The following SLC16A2 variants were observed in gnomAD, a reference collection of about 807,000 sequenced individuals.
SLC16A2 encodes the protein solute carrier family 16 member 2.
SLC16A2 carries 3 observed loss-of-function variants against 27.2 expected under a neutral mutation model. The ratio of observed to expected loss-of-function variants is 0.11; its 90% CI spans 0.05 to 0.28. The LOEUF (loss-of-function observed/expected upper bound fraction) is 0.28, where lower values mean the gene tolerates loss of function less well. SLC16A2 is among the 10% of genes least tolerant of loss of function. The pLI is 1.00. For missense variants in SLC16A2, 295 were observed against 458.5 expected, an observed-to-expected ratio of 0.64 and a Z score of 3.26; for synonymous variants, 202 against 187.8, an observed-to-expected ratio of 1.08 and a Z score of -0.62.
chrX:74,527,623 T>A (rs745347660), intron 4 of SLC16A2, among the ~76,000 whole-genome samples: 1 of 112,295 alleles, frequency 8.9e-6, no homozygotes, highest in Admixed American at 9.4e-5. Context: ...TTGTGCCAAT[T>A]CTTGAGGCCT....
At chrX:74,443,682 T>A (rs904427764) in intron 1 of SLC16A2, among the ~76,000 whole-genome samples, 8 of 112,135 alleles carry the variant, frequency 7.1e-5, no homozygotes, top group African/African-American at 1.9e-4. Flanking sequence ...AATAAGAAAT[T>A]CCTGCAAAAT....
At chrX:74,491,645 G>A (rs1007399011) in intron 1 of SLC16A2, among the ~76,000 whole-genome samples, 2 of 112,210 alleles carry the variant, frequency 1.8e-5, no homozygotes, top group African/African-American at 3.2e-5. Context: ...TGAGGAGGAA[G>A]TCCATTCAGA....
chrX:74,474,194 T>A (rs1035058635), intron 1 of SLC16A2, among the ~76,000 whole-genome samples: 2 of 111,922 alleles, frequency 1.8e-5, no homozygotes, highest in African/African-American at 6.5e-5. Flanking sequence ...AGTGTTCTGA[T>A]CCATGAAAAT....
rs370736474 is a variant in SLC16A2, at chrX:74,515,862, A to G, written c.431-5128A>G. 3.7e-4 allele frequency among the ~76,000 whole-genome samples: 41 copies of G among 112,064 alleles called. No homozygotes were observed. In the East Asian group the frequency reaches 9.8e-3, roughly 27 times the overall value. ...AATCAATACATTCTCAAACGAAGGA[A>G]AACTAAGAGAATTTGTCCCCAACAG... On this transcript the variant is annotated intron_variant, in intron 1 of 5. Transcript: ENST00000587091.
chrX:74,458,239 G>A (rs1256985612), intron 1 of SLC16A2, among the ~76,000 whole-genome samples: 1 of 112,274 alleles, frequency 8.9e-6, no homozygotes, highest in African/African-American at 3.2e-5. Context: ...GTTATACAAT[G>A]TGATGATTTT....
At chrX:74,475,697 A>C (rs1456926503) in intron 1 of SLC16A2, among the ~76,000 whole-genome samples, 1 of 111,876 alleles carries the variant, frequency 8.9e-6, no homozygotes, top group Non-Finnish European at 1.9e-5. Context: ...CTTTCCACAT[A>C]TGGCTAGGCA....
chrX:74,468,048 T>C (rs1431388721), intron 1 of SLC16A2, among the ~76,000 whole-genome samples: 1 of 112,028 alleles, frequency 8.9e-6, no homozygotes, highest in African/African-American at 3.2e-5. Context: ...CCTTCAGGGC[T>C]CAACTCAAAG....
intron 1 of SLC16A2, among the ~76,000 whole-genome samples, chrX:74,449,609 G>A (rs1432822033): frequency 5.4e-5 from 6 of 111,778 alleles, no homozygotes; most frequent in African/African-American, 1.9e-4. Context: ...CACTGGATGT[G>A]GGTGCCTGAC....
intron 1 of SLC16A2, among the ~76,000 whole-genome samples, chrX:74,438,043 A>T (rs1231875121): frequency 8.9e-6 from 1 of 112,617 alleles, no homozygotes; most frequent in Non-Finnish European, 1.9e-5. Context: ...ATCTGTTTTT[A>T]GCACTAAAGG....
intron 1 of SLC16A2, among the ~76,000 whole-genome samples, chrX:74,443,449 A>G (rs1448906658): frequency 9.0e-6 from 1 of 111,438 alleles, no homozygotes; most frequent in African/African-American, 3.3e-5. Flanking sequence ...CCTCCCCACT[A>G]GGCTCTCTCC....
At chrX:74,438,761 A>T (rs1928670999) in intron 1 of SLC16A2, among the ~76,000 whole-genome samples, 1 of 111,574 alleles carries the variant, frequency 9.0e-6, no homozygotes, top group Non-Finnish European at 1.9e-5. Flanking sequence ...TCCACTTGAT[A>T]CTGATAATGT....
At chrX:74,427,857 C>G (rs1031351179) in intron 1 of SLC16A2, among the ~76,000 whole-genome samples, 7 of 110,300 alleles carry the variant, frequency 6.3e-5, no homozygotes, top group African/African-American at 2.0e-4. Flanking sequence ...ACCCTACACC[C>G]TAAGCCATAG....
At chrX:74,517,193 G>A (rs976562475) in intron 1 of SLC16A2, among the ~76,000 whole-genome samples, 4 of 111,932 alleles carry the variant, frequency 3.6e-5, no homozygotes, top group South Asian at 3.7e-4. Context: ...GTTACATAAG[G>A]GGAAACTTGG....
At chrX:74,479,217 G>T (rs5981277) in intron 1 of SLC16A2, among the ~76,000 whole-genome samples, 39 of 109,974 alleles carry the variant, frequency 3.5e-4, no homozygotes, top group Non-Finnish European at 6.5e-4. Context: ...TTTTCTTCTC[G>T]CTTCATTTCA....
intron 1 of SLC16A2, among the ~76,000 whole-genome samples, chrX:74,442,169 C>T (rs1403153154): frequency 2.0e-5 from 2 of 100,246 alleles, no homozygotes; most frequent in Middle Eastern, 5.0e-3. Flanking sequence ...CAGAGGTTGC[C>T]GTGAGCCGAG....
At chrX:74,473,064 T>A (rs973361207) in intron 1 of SLC16A2, 99 of 526,488 alleles carry the variant, frequency 1.9e-4, no homozygotes, top group Middle Eastern at 5.6e-4. Flanking sequence ...GGAACCATCA[T>A]AGCCACCTTG....
chrX:74,451,392 TC>T (rs1335178861), intron 1 of SLC16A2, among the ~76,000 whole-genome samples: 2 of 112,490 alleles, frequency 1.8e-5, no homozygotes, highest in Non-Finnish European at 3.7e-5. Context: ...ACAGTTAGGC[TC>T]CATGATCAAA....
chrX:74,438,755 C>T lies in SLC16A2; in HGVS notation c.430+16688C>T, dbSNP rs1037174776. 3.3e-4 allele frequency among the ~76,000 whole-genome samples: 37 copies of T among 111,815 alleles called. 1 individual carries two copies. The highest frequency in any genetic ancestry group is 1.5e-4 in the Non-Finnish European group (8 of 53,271). On this transcript the variant is annotated intron_variant, in intron 1 of 5. Coordinates refer to ENST00000587091, the MANE Select transcript of SLC16A2 (RefSeq NM_006517.5). Reference sequence around the variant, plus strand: ...AAGGCCCTGTTTGTAAATTCCTCCACTTGATACTGATAATGTCCCTTTTGC... The same window carrying T: ...AAGGCCCTGTTTGTAAATTCCTCCATTTGATACTGATAATGTCCCTTTTGC...
At chrX:74,429,008 G>C (rs963786089) in intron 1 of SLC16A2, among the ~76,000 whole-genome samples, 2 of 110,715 alleles carry the variant, frequency 1.8e-5, no homozygotes, top group Admixed American at 1.9e-4. Context: ...TGCCAAAACT[G>C]CTGCACAATT....
Sources: allele counts gnomAD v4.1 joint callset (sites outside exome capture counted in the v4.1 genomes callset), GRCh38; gene constraint gnomAD v4.1.1; transcripts MANE v1.5; gene names NCBI Gene and HGNC (gene_info 2026-07-23, HGNC 2026-07-21).